ADAMTS19: variants seen among roughly 807,000 people sequenced by gnomAD.
ADAMTS19 encodes the protein ADAM metallopeptidase with thrombospondin type 1 motif 19.
A neutral mutation model predicts 153.3 loss-of-function variants in ADAMTS19; 93 were observed. The ratio of observed to expected loss-of-function variants is 0.61; its 90% CI spans 0.51 to 0.72. The LOEUF (loss-of-function observed/expected upper bound fraction) is 0.72. Ranked by LOEUF, ADAMTS19 falls within the 30% of genes least tolerant of loss-of-function variation. The probability of loss-of-function intolerance (pLI) is 0.00; values close to 1 mark genes in which losing one functional copy is unlikely to be tolerated. For synonymous variants in ADAMTS19, 600 were observed against 556.6 expected, an observed-to-expected ratio of 1.08 and a Z score of -1.10; for missense variants, 1,482 against 1,552.1, an observed-to-expected ratio of 0.95 and a Z score of 0.76.
At chr5:129,595,863 T>C (rs1750349740) in intron 7 of ADAMTS19, among the ~76,000 whole-genome samples, 1 of 152,026 alleles carries the variant, frequency 6.6e-6, no homozygotes, top group African/African-American at 2.4e-5. Context: ...AAATAGAACA[T>C]AAATATTTAA....
chr5:129,635,386 C>T (rs1300159448), intron 10 of ADAMTS19, among the ~76,000 whole-genome samples: 1 of 152,102 alleles, frequency 6.6e-6, no homozygotes, highest in Non-Finnish European at 1.5e-5. Flanking sequence ...TAGCATTTGA[C>T]CAGCAATCCC....
chr5:129,699,974 C>T (rs867682495), intron 19 of ADAMTS19, among the ~76,000 whole-genome samples: 1 of 152,084 alleles, frequency 6.6e-6, no homozygotes, highest in Admixed American at 6.5e-5. Context: ...GGAATGTGCA[C>T]AGCTAATAAG....
chr5:129,664,706 A>G (rs550444136), intron 15 of ADAMTS19, among the ~76,000 whole-genome samples: 2 of 152,254 alleles, frequency 1.3e-5, no homozygotes, highest in African/African-American at 4.8e-5. Context: ...CAGAACTACT[A>G]AGAACAATAT....
At chr5:129,603,343 A>G (rs1200958711) in intron 8 of ADAMTS19, among the ~76,000 whole-genome samples, 3 of 152,222 alleles carry the variant, frequency 2.0e-5, no homozygotes, top group Non-Finnish European at 4.4e-5. Context: ...TGAAGCATGT[A>G]GACATAATCC....
chr5:129,721,014 G>A lies in ADAMTS19; in HGVS notation c.3313-13918G>A, dbSNP rs76263171. 5.9e-4 allele frequency among the ~76,000 whole-genome samples: 90 copies of A among 152,320 alleles called. No individual in the cohort carries two copies. In the East Asian group the frequency reaches 0.011, roughly 19 times the overall value. ...AGTTGTACTATGTATAAGCCTTGAA[G>A]AACCCATTGACATCATGGTTGACTA... On this transcript the variant is annotated intron_variant, in intron 21 of 22. Coordinates refer to ENST00000274487, the MANE Select transcript of ADAMTS19 (RefSeq NM_133638.6).
chr5:129,615,821 G>T (rs1448390589), intron 8 of ADAMTS19, among the ~76,000 whole-genome samples: 1 of 151,948 alleles, frequency 6.6e-6, no homozygotes, highest in African/African-American at 2.4e-5. Flanking sequence ...GGACTAACAG[G>T]ATCCAGGCAT....
At chr5:129,736,850 TA>T (rs1757686583) in intron 22 of ADAMTS19, among the ~76,000 whole-genome samples, 1 of 152,120 alleles carries the variant, frequency 6.6e-6, no homozygotes. Flanking sequence ...TTAATAGGCC[TA>T]AAAACATTTA....
rs181630496 is a variant in ADAMTS19 at position 129,491,818 on chromosome 5, A to G, written c.748-17259A>G. 2.8e-3 allele frequency among the ~76,000 whole-genome samples: 419 copies of G among 152,318 alleles called. 1 individual carries two copies. The highest frequency in any genetic ancestry group is 9.8e-3 in the African/African-American group (408 of 41,568). On this transcript the variant is annotated intron_variant, in intron 2 of 22. Transcript: ENST00000274487. ...ATTGCTGAGGTTCAATAAAAAGCAA[A>G]TTACAGAGTGATACATAGATTATGT...
chr5:129,524,773 G>A (rs949990705), intron 3 of ADAMTS19, among the ~76,000 whole-genome samples: 3 of 150,734 alleles, frequency 2.0e-5, no homozygotes, highest in Admixed American at 6.6e-5. Flanking sequence ...AAAAAAAAAC[G>A]AAGGAAAAGA....
At chr5:129,548,408 C>T (rs1026842964) in intron 6 of ADAMTS19, among the ~76,000 whole-genome samples, 8 of 151,542 alleles carry the variant, frequency 5.3e-5, no homozygotes, top group Non-Finnish European at 8.8e-5. Context: ...TTTATGCAGC[C>T]AAAAAACACA....
chr5:129,505,610 G>A (rs536537943), intron 2 of ADAMTS19, among the ~76,000 whole-genome samples: 39 of 152,084 alleles, frequency 2.6e-4, no homozygotes, highest in East Asian at 7.7e-4. Context: ...AAAAAGCACC[G>A]AGCCACATAA....
intron 2 of ADAMTS19, among the ~76,000 whole-genome samples, chr5:129,494,025 T>G (rs1318830905): frequency 6.6e-6 from 1 of 152,144 alleles, no homozygotes; most frequent in African/African-American, 2.4e-5. Flanking sequence ...ATTACAAAAC[T>G]TCTATCCATT....
intron 8 of ADAMTS19, among the ~76,000 whole-genome samples, chr5:129,604,733 T>C (rs60545429): frequency 0.051 from 7,693 of 152,138 alleles, 618 homozygotes; most frequent in African/African-American, 0.18. Flanking sequence ...GGGTTTAGAA[T>C]TTTTTTTGAT....
chr5:129,635,142 A>G (rs1319308626), intron 10 of ADAMTS19, among the ~76,000 whole-genome samples: 1 of 152,220 alleles, frequency 6.6e-6, no homozygotes, highest in African/African-American at 2.4e-5. Flanking sequence ...GAAGACATAC[A>G]TGCAGCCAAC....
chr5:129,571,724 G>T (rs184197000), intron 7 of ADAMTS19, among the ~76,000 whole-genome samples: 1 of 151,638 alleles, frequency 6.6e-6, no homozygotes, highest in East Asian at 1.9e-4. Flanking sequence ...TAGAAAAATC[G>T]TTTCGGAGAA....
At chr5:129,482,539 C>A (rs1266850398) in intron 2 of ADAMTS19, among the ~76,000 whole-genome samples, 1 of 152,084 alleles carries the variant, frequency 6.6e-6, no homozygotes, top group Non-Finnish European at 1.5e-5. Context: ...TAGCTAAAGT[C>A]AAAATATCTA....
intron 21 of ADAMTS19, among the ~76,000 whole-genome samples, chr5:129,723,846 G>A (rs895007162): frequency 6.6e-6 from 1 of 152,198 alleles, no homozygotes; most frequent in Non-Finnish European, 1.5e-5. Flanking sequence ...GGAAACGTAA[G>A]ACACCAATCA....
intron 3 of ADAMTS19, among the ~76,000 whole-genome samples, chr5:129,520,177 C>T (rs1751749866): frequency 1.3e-5 from 2 of 152,200 alleles, no homozygotes; most frequent in East Asian, 1.9e-4. Flanking sequence ...CTCTAAGTCT[C>T]CTGGTTTTCT....
chr5:129,552,008 AC>A lies in ADAMTS19; in HGVS notation c.1372+102del, dbSNP rs776892907. On this transcript the variant is annotated intron_variant, in intron 7 of 22. Transcript: ENST00000274487. Reference sequence around the variant, plus strand: ...TTTGTGTTCTGGTTATAAAGGAATAACTTCAAAATGTCAGACATACATATTT... The same window carrying A: ...TTTGTGTTCTGGTTATAAAGGAATAATTCAAAATGTCAGACATACATATTT... 4 of 714,824 alleles carry A rather than the reference AC, an allele frequency of 5.6e-6. No homozygotes were observed. The South Asian group carries it at 8.7e-5, about 16-fold the overall frequency. 44.3% of individuals were successfully genotyped at this position (714,824 alleles called of 1,614,324 possible). A position where few individuals can be genotyped will look rare whatever the true frequency, so the allele number is the denominator to read the frequency against.
Sources: gnomAD v4.1 joint callset for allele counts (sites outside exome capture counted in the v4.1 genomes callset) on GRCh38, gnomAD v4.1.1 for gene constraint, MANE v1.5 for transcripts, NCBI Gene and HGNC (gene_info 2026-07-23, HGNC 2026-07-21) for gene names.